HRG: variants seen among roughly 807,000 people sequenced by gnomAD.
HRG encodes histidine rich glycoprotein, also known as histidine-rich glycoprotein.
Under a neutral mutation model 29.5 loss-of-function variants are expected in HRG, and 26 were observed. That is an observed-to-expected ratio of 0.88 (90% CI 0.65 to 1.22). HRG has a LOEUF of 1.22. Among genes scored for constraint, HRG ranks in the 50% most tolerant of loss-of-function variants. HRG has a pLI of 0.00. For synonymous variants in HRG, 243 were observed against 240.4 expected, an observed-to-expected ratio of 1.01 and a Z score of -0.10; for missense variants, 671 against 654.5, an observed-to-expected ratio of 1.03 and a Z score of -0.28.
chr3:186,670,486 A>G (rs1419328646), intron 3 of HRG, among the ~76,000 whole-genome samples: 3 of 152,232 alleles, frequency 2.0e-5, no homozygotes. Context: ...CAAAGCCAAG[A>G]TATTGTGAAG....
In HRG at chr3:186,677,070, A is replaced by G; in HGVS notation, c.765A>G (p.Val255=). The change falls in exon 7 of 7, where the codon GTA becomes GTG. Residue 255 remains valine, a synonymous_variant. Coordinates refer to ENST00000232003, the MANE Select transcript of HRG (RefSeq NM_000412.5). ...AGGAACATGAGAACATCAATGGTGT[A>G]CCGCCTCATTTGGGACATCCCTTCC... ...DPQEHENING[V]PPHLGHPFHW... is the part of the protein sequence containing the mutation. 2 of 1,614,002 alleles carry G rather than the reference A, an allele frequency of 1.2e-6. No homozygotes were observed. Among genetic ancestry groups the G allele is most frequent in the Non-Finnish European group, 8.5e-7 (1 of 1,179,896 alleles).
chr3:186,677,854 A>T lies in HRG; in HGVS notation c.1549A>T (p.Met517Leu), dbSNP rs779561428. The change falls in exon 7 of 7, where the codon ATG (methionine) becomes TTG (leucine). Residue 517 changes from methionine (M) to leucine (L), a missense_variant. Coordinates refer to ENST00000232003, the MANE Select transcript of HRG (RefSeq NM_000412.5). ...CAAGAGTGGGTTTCCACAAGTTTCC[A>T]TGTTTTTTACACATACATTTCCAAA... ...KFKSGFPQVSMFFTHTFPK is the reference protein window; with the variant it reads ...KFKSGFPQVSLFFTHTFPK 1 of 1,613,912 alleles carries T rather than the reference A, an allele frequency of 6.2e-7. No homozygotes were observed. Among genetic ancestry groups the T allele is most frequent in the Non-Finnish European group, 8.5e-7 (1 of 1,179,874 alleles).
At chr3:186,667,063 G>C (rs1718634045) in intron 1 of HRG, 2 of 152,358 alleles carry the variant, frequency 1.3e-5, no homozygotes, top group Admixed American at 6.5e-5. Flanking sequence ...GAATGCAGAA[G>C]TGTGATGGGA....
chr3:186,677,256 T>C lies in HRG; in HGVS notation c.951T>C (p.Pro317=), dbSNP rs776052801. ...SHGPPLPQGP[P]PLLPMSCSSC... ...GACCCCCACTTCCACAAGGCCCTCC[T>C]CCACTATTGCCCATGTCCTGCTCAA... Residue 317 remains proline (P), a synonymous_variant, in exon 7 of 7, where the codon CCT becomes CCC. Transcript: ENST00000232003. 5.0e-6 allele frequency: 8 copies of C among 1,613,912 alleles called. No homozygotes were observed. The highest frequency in any genetic ancestry group is 6.8e-6 in the Non-Finnish European group (8 of 1,179,998).
chr3:186,677,505 T>A lies in HRG; in HGVS notation c.1200T>A (p.His400Gln), dbSNP rs568668981. The A allele has an allele frequency of 8.1e-6, 13 of 1,602,352 alleles. No individual in the cohort carries two copies. The East Asian group carries it at 2.7e-4, about 33-fold the overall frequency. The part of the protein sequence containing the change: ...HPHGHHPHGH[H>Q]PHGHHPHCHD... ...ATGGACACCACCCCCATGGACACCATCCCCATGGACACCATCCCCACTGCC... is the reference window on the plus strand; with the variant it reads ...ATGGACACCACCCCCATGGACACCAACCCCATGGACACCATCCCCACTGCC... Residue 400 changes from histidine (H) to glutamine (Q), a missense_variant, in exon 7 of 7, where the codon CAT (histidine) becomes CAA (glutamine). His to Gln is a conservative substitution (Grantham distance 24). Transcript: ENST00000232003.
intron 6 of HRG, 114 bp downstream of exon 6, chr3:186,675,304 T>A (rs34359202): frequency 0.38 from 184,376 of 481,702 alleles, 34,545 homozygotes; most frequent in East Asian, 0.55. Context: ...TGTGTGTGTG[T>A]GTGTGAGAGA....
intron 1 of HRG, chr3:186,668,716 G>A (rs1718688045): frequency 3.8e-6 from 2 of 525,524 alleles, no homozygotes; most frequent in African/African-American, 1.9e-5. Flanking sequence ...AAGTTTATGG[G>A]CAGAAGACAA....
Position 186,677,185 on chromosome 3 carries a change from G to C in HRG, c.880G>C (p.Glu294Gln). Residue 294 changes from glutamate to glutamine, a missense_variant, in exon 7 of 7, where the codon GAA becomes CAA. Coordinates refer to ENST00000232003, the MANE Select transcript of HRG (RefSeq NM_000412.5). ...TCATCATCATCCCCACAAGCCACAC[G>C]AACATGGACCCCCACCTCCTCCAGA... ...RDHHHPHKPHEHGPPPPPDER... is the reference protein window; with the variant it reads ...RDHHHPHKPHQHGPPPPPDER... The C allele has an allele frequency of 6.2e-7, 1 of 1,613,828 alleles. No individual in the cohort carries two copies. The highest frequency in any genetic ancestry group is 8.5e-7 in the Non-Finnish European group (1 of 1,179,964).
rs375094435 is a variant in HRG at position 186,675,115 on chromosome 3, G to T, written c.666G>T (p.Leu222Phe). The T allele has an allele frequency of 1.2e-6, 2 of 1,613,504 alleles. No homozygotes were observed. The highest frequency in any genetic ancestry group is 1.7e-6 in the Non-Finnish European group (2 of 1,179,568). ...TCTTTGGATTCTGCAGAGCAGATTTGTTCTATGATGTAGAAGCCTTGGACT... is the reference window on the plus strand; with the variant it reads ...TCTTTGGATTCTGCAGAGCAGATTTTTTCTATGATGTAGAAGCCTTGGACT... ...PNVFGFCRAD[L>F]FYDVEALDLE... Residue 222 changes from leucine (L) to phenylalanine (F), a missense_variant, in exon 6 of 7, where the codon TTG becomes TTT. Transcript: ENST00000232003.
At chr3:186,676,526 G>A (rs182990380) in intron 6 of HRG, among the ~76,000 whole-genome samples, 1 of 151,874 alleles carries the variant, frequency 6.6e-6, no homozygotes, top group Admixed American at 6.6e-5. Context: ...TGTAATCCCA[G>A]CACTTTGGGA....
chr3:186,672,008 G>A (rs2108577207), intron 4 of HRG, among the ~76,000 whole-genome samples: 1 of 151,534 alleles, frequency 6.6e-6, no homozygotes, highest in African/African-American at 2.4e-5. Context: ...GGGTAGGGGA[G>A]TAGACATCTG....
intron 1 of HRG, among the ~76,000 whole-genome samples, chr3:186,668,468 C>T (rs773736017): frequency 2.5e-4 from 38 of 152,052 alleles, no homozygotes; most frequent in Non-Finnish European, 4.4e-4. Context: ...GTGCCACTGA[C>T]AAAGACGAGG....
intron 3 of HRG, among the ~76,000 whole-genome samples, chr3:186,670,237 G>T (rs928064948): frequency 7.2e-5 from 11 of 152,142 alleles, no homozygotes; most frequent in African/African-American, 2.6e-4. Context: ...CCCTGGTACT[G>T]GTACACCTTC....
intron 5 of HRG, chr3:186,674,633 T>A (rs951780217): frequency 2.4e-5 from 6 of 246,622 alleles, no homozygotes; most frequent in African/African-American, 1.3e-4. Context: ...GCCTTGACAA[T>A]GTCCATGAAA....
chr3:186,677,209 G>C lies in HRG; in HGVS notation c.904G>C (p.Asp302His). Residue 302 changes from aspartate (D) to histidine (H), a missense_variant, in exon 7 of 7, where the codon GAT becomes CAT. Physicochemically the swap from Asp to His is moderately conservative, Grantham distance 81. Coordinates refer to ENST00000232003, the MANE Select transcript of HRG (RefSeq NM_000412.5). ...PHEHGPPPPP[D>H]ERDHSHGPPL... ...CGAACATGGACCCCCACCTCCTCCAGATGAAAGAGATCACTCACATGGACC... is the reference window on the plus strand; with the variant it reads ...CGAACATGGACCCCCACCTCCTCCACATGAAAGAGATCACTCACATGGACC... 6.2e-7 allele frequency: 1 copy of C among 1,613,882 alleles called. No homozygotes were observed.
chr3:186,669,944 G>A lies in HRG; in HGVS notation c.307G>A (p.Gly103Arg), dbSNP rs374953969. Residue 103 changes from glycine to arginine, a missense_variant, in exon 3 of 7, where the codon GGA (glycine) becomes AGA (arginine). Physicochemically the swap from Gly to Arg is moderately radical, Grantham distance 125 (BLOSUM62 -2). Transcript: ENST00000232003. ...AAGAGCCTCTTTCTTACAGGTGATCGGACAATGTAAGGTAATAGCTACAAG... is the reference window on the plus strand; with the variant it reads ...AAGAGCCTCTTTCTTACAGGTGATCAGACAATGTAAGGTAATAGCTACAAG... ...DSRRPSEIVIGQCKVIATRHS... is the reference protein window; with the variant it reads ...DSRRPSEIVIRQCKVIATRHS... The A allele has an allele frequency of 1.1e-5, 18 of 1,568,528 alleles. No homozygotes were observed. Among genetic ancestry groups the A allele is most frequent in the South Asian group, 1.1e-4 (10 of 90,132 alleles).
chr3:186,668,001 C>A (rs1399754318), intron 1 of HRG, among the ~76,000 whole-genome samples: 2 of 152,116 alleles, frequency 1.3e-5, no homozygotes, highest in Admixed American at 1.3e-4. Flanking sequence ...CTACAGAGGA[C>A]AATTTACCCT....
At chr3:186,666,271 G>T in intron 1 of HRG, 57 bp downstream of exon 1, 1 of 1,556,006 alleles carries the variant, frequency 6.4e-7, no homozygotes, top group South Asian at 1.1e-5. Flanking sequence ...GGGCAAATGT[G>T]ACTCTACCCC....
chr3:186,668,902 T>C, intron 1 of HRG, 33 bp from the exon 2 acceptor site: 3 of 1,151,952 alleles, frequency 2.6e-6, no homozygotes, highest in Non-Finnish European at 4.0e-6. Context: ...GGTTTCCATG[T>C]GCTACTCACA....
Sources: gnomAD v4.1 joint callset for allele counts (sites outside exome capture counted in the v4.1 genomes callset) on GRCh38, gnomAD v4.1.1 for gene constraint, MANE v1.5 for transcripts, NCBI Gene and HGNC (gene_info 2026-07-23, HGNC 2026-07-21) for gene names.